GMDS: variants seen among roughly 807,000 people sequenced by gnomAD.
GMDS encodes the protein GDP-mannose 4,6 dehydratase.
In GMDS, 20 loss-of-function variants were observed where a neutral mutation model predicts 49.9. The ratio of observed to expected loss-of-function variants is 0.40; its 90% CI spans 0.28 to 0.58. GMDS has a LOEUF of 0.58. Among genes scored for constraint, GMDS ranks in the 20% least tolerant of loss-of-function variants. GMDS has a pLI of 0.42. For synonymous variants in GMDS, 177 were observed against 178.6 expected (o/e 0.99, Z 0.07); for missense variants, 362 against 481.4 (o/e 0.75, Z 2.32).
Position 1,624,458 on chromosome 6 carries a change from TAA to T in GMDS, c.1056+12_1056+13del. 1 of 1,609,674 alleles carries T rather than the reference TAA, an allele frequency of 6.2e-7. No homozygotes were observed. Among genetic ancestry groups the T allele is most frequent in the Non-Finnish European group, 8.5e-7 (1 of 1,176,286 alleles). On this transcript the variant is annotated intron_variant, in intron 10 of 10. Coordinates refer to ENST00000380815, the MANE Select transcript of GMDS (RefSeq NM_001500.4). The stretch of plus-strand genomic sequence containing the variant: ...GCCCCGCAGCGGGCGGCGTGCGCCC[TAA>T]GAGATACTCACATCGAAAGCGACCC...
intron 4 of GMDS, among the ~76,000 whole-genome samples, chr6:2,085,243 T>C (rs576328313): frequency 6.6e-6 from 1 of 152,208 alleles, no homozygotes; most frequent in African/African-American, 2.4e-5. Context: ...TCTTTTTTAT[T>C]CCTTTCTTTC....
At chr6:2,049,152 T>C (rs963030157) in intron 4 of GMDS, among the ~76,000 whole-genome samples, 1 of 152,222 alleles carries the variant, frequency 6.6e-6, no homozygotes. Context: ...CTTCTGTTGT[T>C]GAAGACACCC....
chr6:1,977,697 T>C (rs970908764), intron 4 of GMDS, among the ~76,000 whole-genome samples: 6 of 152,064 alleles, frequency 3.9e-5, no homozygotes, highest in Non-Finnish European at 8.8e-5. Flanking sequence ...AGGGAAGTGA[T>C]GAGTGATTGT....
At chr6:2,055,459 A>G (rs1207414243) in intron 4 of GMDS, among the ~76,000 whole-genome samples, 1 of 152,148 alleles carries the variant, frequency 6.6e-6, no homozygotes, top group African/African-American at 2.4e-5. Context: ...TATTTACTAT[A>G]TGACATTCAC....
intron 1 of GMDS, among the ~76,000 whole-genome samples, chr6:2,213,729 G>T (rs234921): frequency 0.014 from 2,094 of 152,218 alleles, 56 homozygotes; most frequent in African/African-American, 0.048. Flanking sequence ...CCAGAAGAAA[G>T]CACAGTGGGG....
chr6:1,941,105 T>C (rs905711284), intron 6 of GMDS, among the ~76,000 whole-genome samples: 2 of 152,102 alleles, frequency 1.3e-5, no homozygotes, highest in African/African-American at 4.8e-5. Context: ...GTACCTCTAT[T>C]CATTCGATAC....
chr6:2,123,964 TAGA>T (rs1025272709), intron 2 of GMDS, among the ~76,000 whole-genome samples: 4 of 152,048 alleles, frequency 2.6e-5, no homozygotes, highest in African/African-American at 9.7e-5. Context: ...TACCAACAAT[TAGA>T]ATAAACAGAT....
At chr6:1,908,739 T>C (rs941534580) in intron 7 of GMDS, among the ~76,000 whole-genome samples, 2 of 152,254 alleles carry the variant, frequency 1.3e-5, no homozygotes, top group African/African-American at 4.8e-5. Flanking sequence ...AGCTCTTCCC[T>C]ACGGCTGTTT....
chr6:1,779,520 G>C (rs186431269), intron 7 of GMDS, among the ~76,000 whole-genome samples: 1 of 152,110 alleles, frequency 6.6e-6, no homozygotes, highest in African/African-American at 2.4e-5. Context: ...TAGAGTCTGC[G>C]ATTTTCCAGC....
intron 7 of GMDS, among the ~76,000 whole-genome samples, chr6:1,786,633 A>G (rs1769332095): frequency 6.6e-6 from 1 of 152,214 alleles, no homozygotes; most frequent in African/African-American, 2.4e-5. Context: ...CAGACTGAGC[A>G]CAACAGAGGC....
rs1222041344 is a variant in GMDS, at chr6:1,682,670, C to T, written c.987+43746G>A. On this transcript the variant is annotated intron_variant, in intron 9 of 10. Transcript: ENST00000380815. ...CTGCAAGCTCCGCCTCCCGGGTTCA[C>T]GCCATTCTCCTGCCTCAGCCTCCCA... 4.5e-3 allele frequency among the ~76,000 whole-genome samples: 34 copies of T among 7,504 alleles called. 13 individuals carry two copies. The highest frequency in any genetic ancestry group is 0.012 in the Admixed American group (20 of 1,618). 4.9% of individuals were successfully genotyped at this position (7,504 alleles called of 152,430 possible).
At chr6:1,992,436 C>T (rs949393373) in intron 4 of GMDS, among the ~76,000 whole-genome samples, 1 of 152,202 alleles carries the variant, frequency 6.6e-6, no homozygotes, top group Non-Finnish European at 1.5e-5. Flanking sequence ...CCAGGCCAAT[C>T]CTCTTGCCTA....
chr6:1,665,570 C>T (rs938091671), intron 9 of GMDS, among the ~76,000 whole-genome samples: 1 of 152,174 alleles, frequency 6.6e-6, no homozygotes, highest in Non-Finnish European at 1.5e-5. Flanking sequence ...CATTTTCCTA[C>T]CCATTTGGGT....
intron 4 of GMDS, among the ~76,000 whole-genome samples, chr6:1,961,749 T>G (rs1043116027): frequency 3.9e-5 from 6 of 152,224 alleles, no homozygotes; most frequent in African/African-American, 1.4e-4. Context: ...CTGGGCACAG[T>G]GCAAACAGGC....
At chr6:2,011,416 T>C (rs1767551199) in intron 4 of GMDS, among the ~76,000 whole-genome samples, 2 of 152,182 alleles carry the variant, frequency 1.3e-5, no homozygotes, top group Admixed American at 6.5e-5. Flanking sequence ...AAAATAGAAC[T>C]ATCATTCGAT....
intron 7 of GMDS, among the ~76,000 whole-genome samples, chr6:1,911,151 G>T (rs944886068): frequency 6.6e-6 from 1 of 151,950 alleles, no homozygotes; most frequent in Non-Finnish European, 1.5e-5. Context: ...CAAGAGGAAC[G>T]TTTCTAAAAG....
chr6:2,010,303 G>A (rs1434305092), intron 4 of GMDS, among the ~76,000 whole-genome samples: 1 of 149,654 alleles, frequency 6.7e-6, no homozygotes, highest in Non-Finnish European at 1.5e-5. Flanking sequence ...CTCCAGCCTG[G>A]GTGACATAGC....
chr6:1,913,110 G>A (rs558246472), intron 7 of GMDS, among the ~76,000 whole-genome samples: 13 of 152,158 alleles, frequency 8.5e-5, no homozygotes, highest in South Asian at 2.1e-4. Context: ...GGCCAGGCGC[G>A]GTGGCTCACG....
At chr6:2,069,420 A>ATAAAT (rs1771838114) in intron 4 of GMDS, among the ~76,000 whole-genome samples, 1 of 152,088 alleles carries the variant, frequency 6.6e-6, no homozygotes. Flanking sequence ...GACAAATGGG[A>ATAAAT]TCTCATTAAA....
Sources: gnomAD v4.1 joint callset for allele counts (sites outside exome capture counted in the v4.1 genomes callset) on GRCh38, gnomAD v4.1.1 for gene constraint, MANE v1.5 for transcripts, NCBI Gene and HGNC (gene_info 2026-07-23, HGNC 2026-07-21) for gene names.